PTPRD: variants seen among roughly 807,000 people sequenced by gnomAD.
PTPRD encodes the protein receptor-type tyrosine-protein phosphatase delta.
PTPRD carries 34 observed loss-of-function variants against 214.5 expected under a neutral mutation model. That is an observed-to-expected ratio of 0.16 (90% CI 0.12 to 0.21). The LOEUF (loss-of-function observed/expected upper bound fraction) is 0.21. PTPRD is among the 10% of genes least tolerant of loss of function. The probability of loss-of-function intolerance (pLI) is 1.00; values close to 1 mark genes in which losing one functional copy is unlikely to be tolerated. For missense variants in PTPRD, 2,545 were observed against 2,398.7 expected (o/e 1.06, Z -1.27); for synonymous variants, 1,128 against 845.7 (o/e 1.33, Z -5.79).
chr9:10,308,230 T>C (rs669870), intron 3 of PTPRD, among the ~76,000 whole-genome samples: 36,115 of 151,878 alleles, frequency 0.24, 4,644 homozygotes, highest in African/African-American at 0.35. Context: ...TATTTTGAGT[T>C]GACTTTTGTA....
chr9:10,504,136 A>AAAAC (rs2045035598), intron 2 of PTPRD, among the ~76,000 whole-genome samples: 1 of 145,748 alleles, frequency 6.9e-6, no homozygotes, highest in African/African-American at 2.5e-5. Context: ...AAAAAAAAAA[A>AAAAC]AAAAAGATGT....
intron 12 of PTPRD, among the ~76,000 whole-genome samples, chr9:8,691,370 G>A (rs2097796017): frequency 6.7e-6 from 1 of 149,648 alleles, no homozygotes; most frequent in African/African-American, 2.5e-5. Flanking sequence ...ATGTTCAGAA[G>A]GATTCTGAGG....
chr9:9,812,702 G>C (rs1409405959), intron 5 of PTPRD, among the ~76,000 whole-genome samples: 1 of 152,036 alleles, frequency 6.6e-6, no homozygotes, highest in African/African-American at 2.4e-5. Flanking sequence ...AAAATAGTAA[G>C]GGATTTCAAT....
intron 5 of PTPRD, among the ~76,000 whole-genome samples, chr9:9,878,921 A>C (rs938372971): frequency 1.3e-5 from 2 of 152,130 alleles, no homozygotes; most frequent in Non-Finnish European, 2.9e-5. Context: ...ATCAGTCTGG[A>C]CTTTATTATA....
chr9:10,132,526 G>A (rs536585228), intron 3 of PTPRD, among the ~76,000 whole-genome samples: 1 of 152,010 alleles, frequency 6.6e-6, no homozygotes, highest in African/African-American at 2.4e-5. Context: ...TGCTTCTTAA[G>A]AAGATAGCTA....
intron 44 of PTPRD, among the ~76,000 whole-genome samples, 168 bp from the exon 45 acceptor site, chr9:8,320,134 G>C (rs1013860268): frequency 1.3e-5 from 2 of 152,100 alleles, no homozygotes; most frequent in African/African-American, 4.8e-5. Flanking sequence ...TTGGGATACT[G>C]AGTTGTAACA....
chr9:8,786,233 A>C (rs1449354390), intron 11 of PTPRD, among the ~76,000 whole-genome samples: 1 of 152,138 alleles, frequency 6.6e-6, no homozygotes, highest in Non-Finnish European at 1.5e-5. Context: ...GTTAACTATG[A>C]GTTTCATTTT....
At chr9:8,673,060 AT>A (rs888190816) in intron 12 of PTPRD, among the ~76,000 whole-genome samples, 4 of 151,724 alleles carry the variant, frequency 2.6e-5, no homozygotes, top group East Asian at 1.9e-4. Flanking sequence ...AAAACACTTG[AT>A]TTTTTTTCTA....
intron 3 of PTPRD, among the ~76,000 whole-genome samples, chr9:10,256,063 A>G (rs952825741): frequency 2.0e-5 from 3 of 152,314 alleles, no homozygotes; most frequent in African/African-American, 7.2e-5. Flanking sequence ...TGTAAACTGC[A>G]TATGTGAGGA....
intron 2 of PTPRD, among the ~76,000 whole-genome samples, chr9:10,480,926 C>T (rs1189319933): frequency 1.3e-5 from 2 of 152,208 alleles, no homozygotes; most frequent in Middle Eastern, 3.4e-3. Flanking sequence ...TTCTTTGATA[C>T]CCTGTAATAA....
intron 11 of PTPRD, among the ~76,000 whole-genome samples, chr9:8,874,795 A>G (rs1433765212): frequency 2.6e-5 from 4 of 152,240 alleles, no homozygotes; most frequent in Admixed American, 2.6e-4. Flanking sequence ...AGCATGGCAA[A>G]TCACTTACTT....
At chr9:9,030,530 G>T (rs1232541861) in intron 10 of PTPRD, among the ~76,000 whole-genome samples, 1 of 151,578 alleles carries the variant, frequency 6.6e-6, no homozygotes, top group East Asian at 1.9e-4. Context: ...CTCTAGGATT[G>T]CCCTTACTGC....
intron 7 of PTPRD, among the ~76,000 whole-genome samples, chr9:9,652,227 C>T (rs1198561745): frequency 1.3e-5 from 2 of 152,130 alleles, no homozygotes; most frequent in African/African-American, 2.4e-5. Context: ...TTACTATCTG[C>T]TGGCTTGGCT....
intron 11 of PTPRD, among the ~76,000 whole-genome samples, chr9:8,769,336 TA>T (rs1401690666): frequency 6.6e-6 from 1 of 152,224 alleles, no homozygotes; most frequent in Non-Finnish European, 1.5e-5. Context: ...TACTGAGAAC[TA>T]AATGAAAATT....
chr9:9,389,826 C>A (rs1161992323), intron 9 of PTPRD, among the ~76,000 whole-genome samples: 1 of 152,116 alleles, frequency 6.6e-6, no homozygotes, highest in African/African-American at 2.4e-5. Context: ...TGTGCCAGAG[C>A]CTGGGGATAC....
chr9:8,492,630 A>G (rs1000180240), intron 27 of PTPRD, among the ~76,000 whole-genome samples: 1 of 151,718 alleles, frequency 6.6e-6, no homozygotes, highest in African/African-American at 2.4e-5. Context: ...AAAAAAAAAA[A>G]AAAATACTTA....
chr9:9,830,314 GC>G lies in PTPRD; in HGVS notation c.-367-63464del, dbSNP rs559493812. Among the ~76,000 whole-genome samples, 197 of 151,142 alleles carry G rather than the reference GC, an allele frequency of 1.3e-3. 1 individual carries two copies. The highest frequency in any genetic ancestry group is 4.6e-3 in the African/African-American group (190 of 41,296). The stretch of plus-strand genomic sequence containing the variant: ...CATGGCCACATCCCATTTTTTATTT[GC>G]CTTTTTATTTGTTTTCATTTCATTT... On this transcript the variant is annotated intron_variant, in intron 5 of 45. Transcript: ENST00000381196.
At chr9:10,152,008 G>A (rs961040489) in intron 3 of PTPRD, among the ~76,000 whole-genome samples, 8 of 152,056 alleles carry the variant, frequency 5.3e-5, no homozygotes, top group Non-Finnish European at 1.0e-4. Context: ...AAACACCTAC[G>A]TATAGGTTTT....
intron 10 of PTPRD, among the ~76,000 whole-genome samples, chr9:9,145,045 T>A (rs2099866382): frequency 6.6e-6 from 1 of 152,198 alleles, no homozygotes; most frequent in South Asian, 2.1e-4. Flanking sequence ...TAATTTAATA[T>A]CATTGAAAAT....
Sources: allele counts gnomAD v4.1 joint callset (sites outside exome capture counted in the v4.1 genomes callset), GRCh38; gene constraint gnomAD v4.1.1; transcripts MANE v1.5; gene names NCBI Gene and HGNC (gene_info 2026-07-23, HGNC 2026-07-21).